Variants in IGSF11 observed in about 807,000 individuals in gnomAD.
IGSF11 encodes the protein immunoglobulin superfamily member 11, also known as CXADR like 1.
A neutral mutation model predicts 41.0 loss-of-function variants in IGSF11; 22 were observed. That is an observed-to-expected ratio of 0.54 (90% CI 0.38 to 0.77). The LOEUF (loss-of-function observed/expected upper bound fraction) is 0.77, where lower values mean the gene tolerates loss of function less well. Ranked by LOEUF, IGSF11 falls within the 30% of genes least tolerant of loss-of-function variation. IGSF11 has a pLI of 0.00. For missense variants in IGSF11, 444 were observed against 530.8 expected (o/e 0.84, Z 1.61); for synonymous variants, 219 against 201.3 (o/e 1.09, Z -0.74).
At chr3:119,059,178 A>ACCACAC (rs1941967580) in intron 1 of IGSF11, among the ~76,000 whole-genome samples, 2 of 64,236 alleles carry the variant, frequency 3.1e-5, no homozygotes, top group South Asian at 1.3e-3. Context: ...ATATACACAG[A>ACCACAC]TCACACACAC....
At chr3:119,120,186 T>C (rs2077313713) in intron 1 of IGSF11, among the ~76,000 whole-genome samples, 1 of 152,118 alleles carries the variant, frequency 6.6e-6, no homozygotes, top group Non-Finnish European at 1.5e-5. Flanking sequence ...GTCAAAACAT[T>C]TAAGAAAATC....
intron 4 of IGSF11, among the ~76,000 whole-genome samples, chr3:118,923,067 G>C (rs1049759286): frequency 6.6e-6 from 1 of 152,084 alleles, no homozygotes; most frequent in Non-Finnish European, 1.5e-5. Context: ...GCTGCTTTCC[G>C]GGTTCTCTCA....
Position 119,049,415 on chromosome 3 carries a change from A to G in IGSF11, c.49+55729T>C, listed in dbSNP as rs543620916. ...CATTCACAATTGCTTCAAAGAGAATAAAATACTTAGGAATCCAACTTACAA... is the reference window on the plus strand; with the variant it reads ...CATTCACAATTGCTTCAAAGAGAATGAAATACTTAGGAATCCAACTTACAA... On this transcript the variant is annotated intron_variant, in intron 1 of 6. Coordinates refer to the IGSF11 transcript ENST00000354673. Among the ~76,000 whole-genome samples the G allele has an allele frequency of 3.6e-4, 55 of 152,310 alleles. No individual in the cohort carries two copies. In the South Asian group the frequency reaches 5.2e-3, roughly 14 times the overall value.
intron 1 of IGSF11, among the ~76,000 whole-genome samples, chr3:119,119,724 C>T (rs182919888): frequency 1.3e-5 from 2 of 152,232 alleles, no homozygotes; most frequent in East Asian, 3.9e-4. Context: ...AGTACGGTGA[C>T]TACCTCACTC....
chr3:119,052,642 T>C (rs190507064), intron 1 of IGSF11, among the ~76,000 whole-genome samples: 1 of 151,538 alleles, frequency 6.6e-6, no homozygotes, highest in Non-Finnish European at 1.5e-5. Context: ...AATCATTCTA[T>C]GAATCCAGTA....
chr3:119,047,740 C>G (rs1314189967), intron 1 of IGSF11, among the ~76,000 whole-genome samples: 1 of 151,986 alleles, frequency 6.6e-6, no homozygotes, highest in African/African-American at 2.4e-5. Flanking sequence ...TGACCACACA[C>G]TTGGAAGTAA....
intron 1 of IGSF11, among the ~76,000 whole-genome samples, chr3:119,045,460 G>A (rs1397616720): frequency 2.0e-5 from 3 of 152,222 alleles, no homozygotes; most frequent in Non-Finnish European, 4.4e-5. Context: ...GGCGCACCAT[G>A]AGATTATATC....
At chr3:118,977,645 G>T (rs1934263502) in intron 1 of IGSF11, among the ~76,000 whole-genome samples, 1 of 152,186 alleles carries the variant, frequency 6.6e-6, no homozygotes, top group Admixed American at 6.5e-5. Flanking sequence ...GAACTCCCCA[G>T]TGTGGAGAAC....
At chr3:119,081,367 A>G (rs749181749) in intron 1 of IGSF11, among the ~76,000 whole-genome samples, 4 of 150,914 alleles carry the variant, frequency 2.7e-5, no homozygotes, top group Non-Finnish European at 5.9e-5. Flanking sequence ...TTCCCATTCT[A>G]TTTCTTTGTG....
At chr3:119,131,188 G>T (rs1198710510) in intron 1 of IGSF11, among the ~76,000 whole-genome samples, 1 of 152,176 alleles carries the variant, frequency 6.6e-6, no homozygotes, top group African/African-American at 2.4e-5. Context: ...AACAAAGCTG[G>T]ACAGAGAATG....
chr3:119,028,726 T>A (rs778087796), intron 1 of IGSF11, among the ~76,000 whole-genome samples: 10 of 151,802 alleles, frequency 6.6e-5, no homozygotes, highest in Admixed American at 3.3e-4. Context: ...TGAAAATTGA[T>A]CTCTATCACC....
intron 1 of IGSF11, among the ~76,000 whole-genome samples, chr3:119,143,018 A>G (rs76664753): frequency 2.1e-3 from 316 of 152,302 alleles, no homozygotes; most frequent in African/African-American, 7.3e-3. Flanking sequence ...AGAAATAAAG[A>G]AGAAATTAAG....
intron 1 of IGSF11, among the ~76,000 whole-genome samples, chr3:119,040,053 T>G (rs9683131): frequency 0.022 from 3,330 of 152,304 alleles, 126 homozygotes; most frequent in African/African-American, 0.072. Context: ...TTTGTAGGAC[T>G]AACATTAGCC....
rs993880944 is a variant in IGSF11 at position 118,904,017 on chromosome 3, C to T, written c.854+631G>A. On this transcript the variant is annotated intron_variant, in intron 6 of 6. Coordinates refer to ENST00000393775, the MANE Select transcript of IGSF11 (RefSeq NM_001015887.3). ...GCTGAGAGTGATGAGAGAGAAGATA[C>T]GCAGGCAAGAATCAGATCCTGTAAG... Among the ~76,000 whole-genome samples the T allele has an allele frequency of 3.3e-5, 5 of 152,210 alleles. 1 individual carries two copies. Among genetic ancestry groups the T allele is most frequent in the East Asian group, 1.9e-4 (1 of 5,168 alleles).
upstream of IGSF11, among the ~76,000 whole-genome samples, chr3:119,035,744 C>T (rs1940864768): frequency 6.6e-6 from 1 of 152,152 alleles, no homozygotes; most frequent in Non-Finnish European, 1.5e-5. Context: ...TTATACTGGG[C>T]TCTGCTCTTT....
At chr3:119,068,589 T>C (rs180735571) in intron 1 of IGSF11, among the ~76,000 whole-genome samples, 15 of 152,346 alleles carry the variant, frequency 9.8e-5, no homozygotes, top group African/African-American at 3.6e-4. Context: ...ATATCTGTAG[T>C]GGTCCTTTAT....
intron 1 of IGSF11, among the ~76,000 whole-genome samples, chr3:119,058,039 A>G (rs1369715557): frequency 2.0e-5 from 3 of 152,230 alleles, no homozygotes; most frequent in African/African-American, 7.2e-5. Flanking sequence ...AACCTAGGCA[A>G]TACCTTTCAG....
At chr3:119,073,305 C>G (rs530239405) in intron 1 of IGSF11, among the ~76,000 whole-genome samples, 1 of 152,338 alleles carries the variant, frequency 6.6e-6, no homozygotes, top group African/African-American at 2.4e-5. Flanking sequence ...TCTCCAAGTC[C>G]CCACCTGACT....
chr3:118,980,057 T>G (rs1934548354), intron 1 of IGSF11, among the ~76,000 whole-genome samples: 1 of 152,202 alleles, frequency 6.6e-6, no homozygotes, highest in Admixed American at 6.5e-5. Context: ...TCTCACACTG[T>G]TGGTTGTAAT....
Sources: gnomAD v4.1 joint callset for allele counts (sites outside exome capture counted in the v4.1 genomes callset) on GRCh38, gnomAD v4.1.1 for gene constraint, MANE v1.5 for transcripts, NCBI Gene and HGNC (gene_info 2026-07-23, HGNC 2026-07-21) for gene names.